MAPK10: variants seen among roughly 807,000 people sequenced by gnomAD.
MAPK10 encodes the protein mitogen-activated protein kinase 10.
A neutral mutation model predicts 59.3 loss-of-function variants in MAPK10; 25 were observed. The observed-to-expected ratio is 0.42, with a 90% CI of 0.31 to 0.59. MAPK10 has a LOEUF of 0.59. MAPK10 is among the 20% of genes least tolerant of loss of function. The probability of loss-of-function intolerance (pLI) is 0.15; values close to 1 mark genes in which losing one functional copy is unlikely to be tolerated. For synonymous variants in MAPK10, 190 were observed against 200.5 expected, an observed-to-expected ratio of 0.95 and a Z score of 0.44; for missense variants, 351 against 568.9, an observed-to-expected ratio of 0.62 and a Z score of 3.90.
At chr4:86,188,763 C>T (rs1442499465) in intron 3 of MAPK10, among the ~76,000 whole-genome samples, 1 of 152,112 alleles carries the variant, frequency 6.6e-6, no homozygotes, top group Non-Finnish European at 1.5e-5. Flanking sequence ...TCCCATTTGT[C>T]AATTTTGGCT....
chr4:86,244,426 A>C (rs1002029797), intron 2 of MAPK10, among the ~76,000 whole-genome samples: 2 of 152,238 alleles, frequency 1.3e-5, no homozygotes, highest in African/African-American at 4.8e-5. Flanking sequence ...AGATGCCTGC[A>C]ATTTTTAAAA....
chr4:86,146,934 T>C (rs2065154953), intron 4 of MAPK10, among the ~76,000 whole-genome samples: 1 of 152,222 alleles, frequency 6.6e-6, no homozygotes, highest in East Asian at 1.9e-4. Context: ...TCCTTTCTAT[T>C]CAACTTTATA....
intron 1 of MAPK10, chr4:86,399,922 A>G (rs1236701547): frequency 3.3e-5 from 5 of 152,194 alleles, no homozygotes; most frequent in Admixed American, 2.0e-4. Flanking sequence ...TTTCTATAAT[A>G]GACATAGAAT....
intron 1 of MAPK10, among the ~76,000 whole-genome samples, chr4:86,507,982 G>A (rs991445534): frequency 1.1e-4 from 16 of 151,692 alleles, no homozygotes; most frequent in Non-Finnish European, 1.6e-4. Context: ...GCCTTGGACT[G>A]TCATCACCCT....
chr4:86,109,160 A>G (rs985146498), intron 4 of MAPK10, among the ~76,000 whole-genome samples: 3 of 152,224 alleles, frequency 2.0e-5, no homozygotes, highest in African/African-American at 7.2e-5. Flanking sequence ...CATTGTTTAT[A>G]CAGCTAAGTC....
chr4:86,066,752 C>CAAAAA (rs60413311), intron 10 of MAPK10, among the ~76,000 whole-genome samples: 74 of 86,000 alleles, frequency 8.6e-4, no homozygotes, highest in East Asian at 1.5e-3. Context: ...GACTCTGTCT[C>CAAAAA]AAAAAAAAAA....
At chr4:86,530,187 T>C (rs1025963944) in intron 1 of MAPK10, among the ~76,000 whole-genome samples, 10 of 151,978 alleles carry the variant, frequency 6.6e-5, no homozygotes, top group Admixed American at 6.6e-4. Flanking sequence ...AGTCTGACAT[T>C]TAAGAACCTT....
chr4:86,060,131 G>A (rs772453192), intron 11 of MAPK10, among the ~76,000 whole-genome samples: 26 of 152,224 alleles, frequency 1.7e-4, no homozygotes, highest in Non-Finnish European at 7.3e-5. Flanking sequence ...CATCTTAGGG[G>A]ATGGTTCTAA....
intron 4 of MAPK10, among the ~76,000 whole-genome samples, chr4:86,134,086 C>G (rs573099165): frequency 5.9e-5 from 9 of 152,214 alleles, no homozygotes; most frequent in Non-Finnish European, 1.3e-4. Context: ...GAATAGCTTT[C>G]ACTCTGATAA....
intron 1 of MAPK10, among the ~76,000 whole-genome samples, chr4:86,576,430 C>T (rs967502822): frequency 6.6e-5 from 10 of 152,068 alleles, no homozygotes; most frequent in Non-Finnish European, 1.3e-4. Context: ...AATGCAAGAA[C>T]ATTTCTTAAA....
At chr4:86,207,135 G>A (rs2084283828) in intron 2 of MAPK10, among the ~76,000 whole-genome samples, 1 of 151,058 alleles carries the variant, frequency 6.6e-6, no homozygotes, top group African/African-American at 2.5e-5. Flanking sequence ...CCTATGTCCT[G>A]AATGGTAATG....
intron 4 of MAPK10, among the ~76,000 whole-genome samples, chr4:86,137,124 A>G (rs1235260652): frequency 1.3e-5 from 2 of 150,666 alleles, no homozygotes; most frequent in African/African-American, 5.0e-5. Context: ...TAGACAGATC[A>G]ACGAGACAGA....
chr4:86,220,907 C>T (rs2089360429), intron 2 of MAPK10, among the ~76,000 whole-genome samples: 1 of 152,162 alleles, frequency 6.6e-6, no homozygotes, highest in East Asian at 1.9e-4. Flanking sequence ...TGTCGAACAA[C>T]ATAAGGGGCT....
At chr4:86,128,154 A>G (rs2060379081) in intron 4 of MAPK10, among the ~76,000 whole-genome samples, 1 of 152,144 alleles carries the variant, frequency 6.6e-6, no homozygotes, top group African/African-American at 2.4e-5. Flanking sequence ...ATCAAGACTT[A>G]ATAATAATGA....
chr4:86,507,816 C>T (rs984275039), intron 1 of MAPK10, among the ~76,000 whole-genome samples: 4 of 150,186 alleles, frequency 2.7e-5, no homozygotes, highest in African/African-American at 9.8e-5. Flanking sequence ...CTCAGAAGGC[C>T]ATGAAGAGAG....
At chr4:86,567,731 G>T (rs1029943963) in intron 1 of MAPK10, among the ~76,000 whole-genome samples, 1 of 152,038 alleles carries the variant, frequency 6.6e-6, no homozygotes, top group Non-Finnish European at 1.5e-5. Flanking sequence ...GACATACGGA[G>T]AAATTTAAAA....
intron 2 of MAPK10, among the ~76,000 whole-genome samples, chr4:86,201,019 C>A (rs1297641755): frequency 1.3e-5 from 2 of 151,770 alleles, no homozygotes; most frequent in Non-Finnish European, 2.9e-5. Context: ...CCCTTCCCAG[C>A]CTTTGGTAAT....
intron 9 of MAPK10, among the ~76,000 whole-genome samples, chr4:86,076,150 C>T (rs936054862): frequency 3.3e-5 from 5 of 152,250 alleles, no homozygotes; most frequent in East Asian, 1.9e-4. Context: ...GGGAGTGACC[C>T]GATTTTCCAG....
chr4:86,135,347 G>C (rs1278797915), intron 4 of MAPK10, among the ~76,000 whole-genome samples: 1 of 152,200 alleles, frequency 6.6e-6, no homozygotes, highest in Non-Finnish European at 1.5e-5. Flanking sequence ...CTGAGAAGGG[G>C]CAGACTGCCT....
Sources: allele counts gnomAD v4.1 joint callset (sites outside exome capture counted in the v4.1 genomes callset), GRCh38; gene constraint gnomAD v4.1.1; transcripts MANE v1.5; gene names NCBI Gene and HGNC (gene_info 2026-07-23, HGNC 2026-07-21).